ENTREP1: variants seen among roughly 807,000 people sequenced by gnomAD.
ENTREP1 encodes Friedreich ataxia region gene X123.
At chr9:69,340,381 T>C in the ENTREP1 span, among the ~76,000 whole-genome samples, 1 of 152,202 alleles carries the variant, frequency 6.6e-6, no homozygotes, top group Non-Finnish European at 1.5e-5. Flanking sequence ...GGTTTTTTAC[T>C]GGTTTGAACA....
chr9:69,325,757 C>A, the ENTREP1 span: 1 of 1,221,894 alleles, frequency 8.2e-7, no homozygotes, highest in South Asian at 4.2e-5. Flanking sequence ...TTCGCCCGGT[C>A]ATCCCGGTGA....
At chr9:69,359,312 A>T in the ENTREP1 span, among the ~76,000 whole-genome samples, 1 of 152,204 alleles carries the variant, frequency 6.6e-6, no homozygotes, top group Non-Finnish European at 1.5e-5. Context: ...CAATGAGCAT[A>T]CTAAGAACTT....
At chr9:69,334,960 A>G in the ENTREP1 span, among the ~76,000 whole-genome samples, 1 of 151,898 alleles carries the variant, frequency 6.6e-6, no homozygotes, top group Non-Finnish European at 1.5e-5. Flanking sequence ...GGGTTTCACC[A>G]TGTTGTCCAG....
the ENTREP1 span, among the ~76,000 whole-genome samples, chr9:69,333,867 ATGCACACACATG>A: frequency 2.2e-4 from 34 of 152,332 alleles, no homozygotes; most frequent in Admixed American, 3.3e-4. Flanking sequence ...GGATACACAC[ATGCACACACATG>A]TGCACACACA....
At chr9:69,325,250 C>A in the ENTREP1 span, 1 of 1,094,596 alleles carries the variant, frequency 9.1e-7, no homozygotes, top group South Asian at 4.4e-5. Flanking sequence ...CTCGGCTCCG[C>A]TCCGCGTCCT....
the ENTREP1 span, among the ~76,000 whole-genome samples, chr9:69,355,635 T>C: frequency 6.6e-6 from 1 of 152,176 alleles, no homozygotes; most frequent in Non-Finnish European, 1.5e-5. Context: ...CCACAACTTA[T>C]CATTGTCTCT....
At chr9:69,388,082 G>A in the ENTREP1 span, 1 of 1,612,064 alleles carries the variant, frequency 6.2e-7, no homozygotes, top group Non-Finnish European at 8.5e-7. Context: ...GAGTTTTGTG[G>A]TCTGTGCTTT....
the ENTREP1 span, among the ~76,000 whole-genome samples, chr9:69,352,719 T>A: frequency 6.6e-6 from 1 of 152,124 alleles, no homozygotes; most frequent in Non-Finnish European, 1.5e-5. Flanking sequence ...ACAGCAAGCT[T>A]GTTTGTCAGG....
At chr9:69,367,660 TATATATACACACATATATAA>T in the ENTREP1 span, among the ~76,000 whole-genome samples, 1 of 59,634 alleles carries the variant, frequency 1.7e-5, no homozygotes, top group African/African-American at 6.0e-5. Flanking sequence ...TATATAAATA[TATATATACACACATATATAA>T]ATATATATAT....
the ENTREP1 span, among the ~76,000 whole-genome samples, chr9:69,372,849 CTT>C: frequency 6.8e-5 from 10 of 148,026 alleles, no homozygotes; most frequent in Non-Finnish European, 9.0e-5. Context: ...TTATTTTCTG[CTT>C]TTTTTTTTTA....
chr9:69,340,636 C>CATGTGT, the ENTREP1 span, among the ~76,000 whole-genome samples: 11 of 120,648 alleles, frequency 9.1e-5, no homozygotes, highest in East Asian at 4.9e-4. Flanking sequence ...TGTGTGTGTG[C>CATGTGT]GTGCATGTGT....
At chr9:69,385,456 G>A in the ENTREP1 span, among the ~76,000 whole-genome samples, 1 of 151,986 alleles carries the variant, frequency 6.6e-6, no homozygotes, top group Admixed American at 6.6e-5. Flanking sequence ...GTGCTTTTCA[G>A]TACTGCCCCA....
the ENTREP1 span, among the ~76,000 whole-genome samples, chr9:69,390,780 C>T: frequency 2.0e-5 from 3 of 152,064 alleles, no homozygotes; most frequent in African/African-American, 4.8e-5. Flanking sequence ...GCTGGGACTA[C>T]AGGCACACAC....
the ENTREP1 span, among the ~76,000 whole-genome samples, chr9:69,360,855 G>T: frequency 6.6e-6 from 1 of 151,586 alleles, no homozygotes; most frequent in Non-Finnish European, 1.5e-5. Flanking sequence ...TCTGAGAAAA[G>T]GGTATATTAA....
At chr9:69,344,906 C>T in the ENTREP1 span, among the ~76,000 whole-genome samples, 2 of 152,182 alleles carry the variant, frequency 1.3e-5, no homozygotes, top group Admixed American at 6.5e-5. Flanking sequence ...GATAGTCTTG[C>T]AAGAAATTCC....
chr9:69,391,691 G>A, the ENTREP1 span: 25 of 1,613,932 alleles, frequency 1.5e-5, no homozygotes, highest in African/African-American at 4.0e-5. Flanking sequence ...GAGCTGCGGC[G>A]ACCTTCACAC....
chr9:69,367,987 T>G, the ENTREP1 span, among the ~76,000 whole-genome samples: 9 of 150,848 alleles, frequency 6.0e-5, no homozygotes, highest in African/African-American at 2.2e-4. Flanking sequence ...CTTGATTTCT[T>G]TCTCAATTCA....
chr9:69,375,819 A>G, the ENTREP1 span: 1 of 1,613,682 alleles, frequency 6.2e-7, no homozygotes, highest in Non-Finnish European at 8.5e-7. Flanking sequence ...ATGCCTTGAA[A>G]CTCTTTCCGG....
the ENTREP1 span, among the ~76,000 whole-genome samples, chr9:69,350,642 A>G: frequency 3.3e-5 from 5 of 152,208 alleles, no homozygotes; most frequent in African/African-American, 1.2e-4. Flanking sequence ...TTCTCAAGTA[A>G]TAATTTTCAG....
Sources: allele counts gnomAD v4.1 joint callset (sites outside exome capture counted in the v4.1 genomes callset), GRCh38; gene constraint gnomAD v4.1.1; transcripts MANE v1.5; gene names NCBI Gene and HGNC (gene_info 2026-07-23, HGNC 2026-07-21).